Variants in ARSJ observed in about 807,000 individuals in gnomAD.
ARSJ encodes arylsulfatase family member J.
A neutral mutation model predicts 35.9 loss-of-function variants in ARSJ; 26 were observed. That is an observed-to-expected ratio of 0.72 (90% confidence interval 0.53 to 1.00). ARSJ has a LOEUF of 1.00. Ranked by LOEUF, ARSJ falls within the 50% of genes least tolerant of loss-of-function variation. The probability of loss-of-function intolerance (pLI) is 0.00; values close to 1 mark genes in which losing one functional copy is unlikely to be tolerated. For synonymous variants in ARSJ, 294 were observed against 267.6 expected (o/e 1.10, Z -0.96); for missense variants, 667 against 723.6 (o/e 0.92, Z 0.90).
At chr4:113,926,702 A>T (rs1208276622) in intron 1 of ARSJ, among the ~76,000 whole-genome samples, 1 of 152,074 alleles carries the variant, frequency 6.6e-6, no homozygotes, top group African/African-American at 2.4e-5. Flanking sequence ...GCTGTGCACA[A>T]CCCACTTTAT....
chr4:113,913,626 A>G (rs1228921266), intron 1 of ARSJ, among the ~76,000 whole-genome samples: 3 of 152,192 alleles, frequency 2.0e-5, no homozygotes, highest in African/African-American at 4.8e-5. Flanking sequence ...AAAATTATCT[A>G]ATTTATAGAG....
chr4:113,976,320 C>CT (rs1727591060), intron 1 of ARSJ, among the ~76,000 whole-genome samples: 1 of 151,944 alleles, frequency 6.6e-6, no homozygotes, highest in Admixed American at 6.5e-5. Flanking sequence ...TTATGGCTTC[C>CT]TTTTTTAATT....
At chr4:113,908,098 G>A (rs2149250020) in intron 1 of ARSJ, among the ~76,000 whole-genome samples, 1 of 152,134 alleles carries the variant, frequency 6.6e-6, no homozygotes, top group Non-Finnish European at 1.5e-5. Flanking sequence ...AATAAAAACT[G>A]GAAGGAATTA....
chr4:113,946,679 C>G (rs1041390005), intron 1 of ARSJ, among the ~76,000 whole-genome samples: 3 of 151,898 alleles, frequency 2.0e-5, no homozygotes, highest in Non-Finnish European at 4.4e-5. Flanking sequence ...TCTCCTTGAC[C>G]TCAATAATAG....
At chr4:113,919,949 A>AT (rs11413945) in intron 1 of ARSJ, among the ~76,000 whole-genome samples, 9,104 of 150,580 alleles carry the variant, frequency 0.06, 330 homozygotes, top group East Asian at 0.12. Flanking sequence ...TTTATTAAAG[A>AT]TTTTTTTTTT....
In ARSJ at chr4:113,913,960, T is replaced by G. The variant is rs527283679; in HGVS notation, c.399-10285A>C. On this transcript the variant is annotated intron_variant, in intron 1 of 1. Coordinates refer to ENST00000315366, the MANE Select transcript of ARSJ (RefSeq NM_024590.4). ...TAAGATATAGAGAATTTAAAATCCT[T>G]TCATTTTTAAATTTTTATTTATTTA... Among the ~76,000 whole-genome samples, 39 of 152,104 alleles carry G rather than the reference T, an allele frequency of 2.6e-4. 1 individual carries two copies. Among genetic ancestry groups the G allele is most frequent in the African/African-American group, 9.2e-4 (38 of 41,518 alleles).
chr4:113,904,021 C>A (rs924001323), intron 1 of ARSJ, among the ~76,000 whole-genome samples: 1 of 152,144 alleles, frequency 6.6e-6, no homozygotes, highest in African/African-American at 2.4e-5. Context: ...CTCCCAGGTT[C>A]AAGCGATTCT....
chr4:113,945,327 G>A (rs1725408170), intron 1 of ARSJ, among the ~76,000 whole-genome samples: 1 of 151,868 alleles, frequency 6.6e-6, no homozygotes, highest in South Asian at 2.1e-4. Flanking sequence ...TGTAGCAATG[G>A]GGGTCTCACT....
intron 1 of ARSJ, among the ~76,000 whole-genome samples, chr4:113,904,846 A>T (rs1372805305): frequency 2.0e-5 from 3 of 152,204 alleles, no homozygotes; most frequent in African/African-American, 7.2e-5. Flanking sequence ...ACTACACAAT[A>T]CATTATTGTT....
At chr4:113,911,825 A>G (rs985031256) in intron 1 of ARSJ, among the ~76,000 whole-genome samples, 4 of 152,200 alleles carry the variant, frequency 2.6e-5, no homozygotes, top group African/African-American at 9.6e-5. Flanking sequence ...TGACACATGC[A>G]TGCACAAAAG....
chr4:113,902,273 C>T lies in ARSJ; in HGVS notation c.*1G>A, dbSNP rs1364247640. The stretch of plus-strand genomic sequence containing the variant: ...TTTAACCAAACAGGAAATATTTGTG[C>T]TTATCCACAAGTAACACCTGAATGG... On this transcript the variant is annotated 3_prime_UTR_variant, in exon 2 of 2. Coordinates refer to ENST00000315366, the MANE Select transcript of ARSJ (RefSeq NM_024590.4). The T allele has an allele frequency of 2.5e-6, 4 of 1,608,654 alleles. No individual in the cohort carries two copies. The highest frequency in any genetic ancestry group is 2.7e-5 in the African/African-American group (2 of 74,938).
intron 1 of ARSJ, among the ~76,000 whole-genome samples, chr4:113,935,019 C>T (rs11729299): frequency 0.11 from 16,210 of 151,630 alleles, 1,017 homozygotes; most frequent in African/African-American, 0.17. Flanking sequence ...TCCGATTTAG[C>T]CTAAAGTATA....
In ARSJ at chr4:113,900,474, C is replaced by A. The variant is rs745946884; in HGVS notation, c.*1800G>T. ...TAATTTCAGTACTAGATTATAGATT[C>A]TTTTATACATTTTCAGAAACTGTGA... On this transcript the variant is annotated 3_prime_UTR_variant, in exon 2 of 2. Coordinates refer to ENST00000315366, the MANE Select transcript of ARSJ (RefSeq NM_024590.4). The A allele has an allele frequency of 2.6e-5, 4 of 151,968 alleles. No individual in the cohort carries two copies. The highest frequency in any genetic ancestry group is 5.9e-5 in the Non-Finnish European group (4 of 67,990). 9.4% of individuals were successfully genotyped at this position (151,968 alleles called of 1,614,324 possible).
At chr4:113,919,960 T>TTG (rs57292505) in intron 1 of ARSJ, among the ~76,000 whole-genome samples, 1 of 151,688 alleles carries the variant, frequency 6.6e-6, no homozygotes, top group Non-Finnish European at 1.5e-5. Context: ...TTTTTTTTTT[T>TTG]GCAGGAGCTA....
At chr4:113,934,839 T>G (rs1724669849) in intron 1 of ARSJ, among the ~76,000 whole-genome samples, 1 of 151,812 alleles carries the variant, frequency 6.6e-6, no homozygotes, top group Admixed American at 6.6e-5. Context: ...AATTCTTAAT[T>G]AATAATTTAA....
At chr4:113,919,998 G>A (rs1373724575) in intron 1 of ARSJ, among the ~76,000 whole-genome samples, 1 of 151,490 alleles carries the variant, frequency 6.6e-6, no homozygotes, top group African/African-American at 2.4e-5. Context: ...TAGAAATAAA[G>A]CACTTCCTTC....
intron 1 of ARSJ, among the ~76,000 whole-genome samples, chr4:113,929,266 T>G (rs1355814652): frequency 1.3e-5 from 2 of 152,152 alleles, no homozygotes; most frequent in Admixed American, 1.3e-4. Context: ...ACTGGGACTT[T>G]AGTCTAGTTA....
chr4:113,924,076 A>AATAT lies in ARSJ; in HGVS notation c.399-20405_399-20402dup, dbSNP rs1164333093. Among the ~76,000 whole-genome samples, 102 of 95,486 alleles carry AATAT rather than the reference A, an allele frequency of 1.1e-3. 1 individual carries two copies. Among genetic ancestry groups the AATAT allele is most frequent in the African/African-American group, 2.8e-3 (58 of 20,850 alleles). The allele number at this position is 95,486 out of a possible 152,430, so 62.6% of individuals were successfully genotyped here. ...ATATAAATATATATAAATATATATAAATATATATATATATATATATATATA... is the reference window on the plus strand; with the variant it reads ...ATATAAATATATATAAATATATATAAATATATATATATATATATATATATATATA... On this transcript the variant is annotated intron_variant, in intron 1 of 1. Coordinates refer to ENST00000315366, the MANE Select transcript of ARSJ (RefSeq NM_024590.4).
At position 113,903,164 on chromosome 4, in the gene ARSJ, T is replaced by A; in HGVS notation, c.910A>T (p.Ile304Phe). 6.2e-7 allele frequency: 1 copy of A among 1,614,206 alleles called. No individual in the cohort carries two copies. The highest frequency in any genetic ancestry group is 8.5e-7 in the Non-Finnish European group (1 of 1,180,028). The change falls in exon 2 of 2, where the codon ATC (isoleucine) becomes TTC (phenylalanine). Residue 304 changes from isoleucine (I) to phenylalanine (F), a missense_variant. Coordinates refer to ENST00000315366, the MANE Select transcript of ARSJ (RefSeq NM_024590.4). ...AAMLSCLDEAINNVTLALKTY... is the reference protein window; with the variant it reads ...AAMLSCLDEAFNNVTLALKTY... ...TTTAGAGCCAATGTCACGTTGTTGA[T>A]TGCTTCATCTAAGCAGGAAAGCATG...
Sources: allele counts gnomAD v4.1 joint callset (sites outside exome capture counted in the v4.1 genomes callset), GRCh38; gene constraint gnomAD v4.1.1; transcripts MANE v1.5; gene names NCBI Gene and HGNC (gene_info 2026-07-23, HGNC 2026-07-21).